Variants in MRS2 observed in about 807,000 individuals in gnomAD.
MRS2 encodes the protein magnesium transporter MRS2, also known as magnesium transporter MRS2 homolog, mitochondrial.
Under a neutral mutation model 52.6 loss-of-function variants are expected in MRS2, and 40 were observed. That is an observed-to-expected ratio of 0.76 (90% CI 0.59 to 0.99). The LOEUF is 0.99. MRS2 is among the 50% of genes least tolerant of loss of function. MRS2 has a pLI of 0.00. For missense variants in MRS2, 472 were observed against 532.7 expected, an observed-to-expected ratio of 0.89 and a Z score of 1.12; for synonymous variants, 193 against 195.9, an observed-to-expected ratio of 0.98 and a Z score of 0.13.
At chr6:24,415,455 A>G (rs771587443) in intron 6 of MRS2, among the ~76,000 whole-genome samples, 1 of 152,234 alleles carries the variant, frequency 6.6e-6, no homozygotes, top group Non-Finnish European at 1.5e-5. Context: ...TTATATGGCT[A>G]GTAAATGGCA....
intron 4 of MRS2, chr6:24,410,742 T>G: frequency 6.5e-7 from 1 of 1,532,452 alleles, no homozygotes; most frequent in South Asian, 1.2e-5. Flanking sequence ...TTCTCTACTC[T>G]TGGAATCAGT....
intron 2 of MRS2, 39 bp downstream of exon 2, chr6:24,405,280 G>A (rs759346782): frequency 1.4e-6 from 2 of 1,456,828 alleles, no homozygotes; most frequent in Admixed American, 1.7e-5. Context: ...TACAGAAAGT[G>A]CTTCCCATAC....
chr6:24,408,263 G>T (rs1461783790), intron 2 of MRS2, 145 bp from the exon 3 acceptor site: 1 of 576,440 alleles, frequency 1.7e-6, no homozygotes, highest in African/African-American at 1.9e-5. Flanking sequence ...TTAATCTAAA[G>T]AAGGTCAGTA....
rs140050426 is a variant in MRS2, at chr6:24,403,083, C to T, written c.37C>T (p.Arg13Cys). The part of the protein sequence containing the change: ...CLRSLPCLLP[R>C]AMRLPRRTLC... The stretch of plus-strand genomic sequence containing the variant: ...GCGCAGTTTACCCTGCCTCCTGCCC[C>T]GCGCGATGAGACTTCCCCGGCGGAC... Residue 13 changes from arginine to cysteine, a missense_variant, in exon 1 of 11, where the codon CGC (arginine) becomes TGC (cysteine). By Grantham distance (180) the Arg-to-Cys change is radical (BLOSUM62 -3). Coordinates refer to ENST00000378386, the MANE Select transcript of MRS2 (RefSeq NM_020662.4). 41 of 1,611,848 alleles carry T rather than the reference C, an allele frequency of 2.5e-5. No homozygotes were observed. The highest frequency in any genetic ancestry group is 3.3e-5 in the Non-Finnish European group (39 of 1,179,550).
chr6:24,416,278 T>C (rs1761845200), intron 6 of MRS2, 119 bp from the exon 7 acceptor site: 3 of 486,558 alleles, frequency 6.2e-6, no homozygotes, highest in Non-Finnish European at 1.1e-5. Context: ...TTTAAATAAG[T>C]CATTGTTTAG....
rs907660734 is a variant in MRS2 at position 24,424,800 on chromosome 6, A to G, written c.*1106A>G. Reference sequence around the variant, plus strand: ...GAATAAATACACTTACCCTGATGATATTGAGGGTACATGATTAGCCTAATG... The same window carrying G: ...GAATAAATACACTTACCCTGATGATGTTGAGGGTACATGATTAGCCTAATG... On this transcript the variant is annotated 3_prime_UTR_variant, in exon 11 of 11. Transcript: ENST00000378386. 2.6e-5 allele frequency: 4 copies of G among 152,222 alleles called. No homozygotes were observed. The highest frequency in any genetic ancestry group is 9.6e-5 in the African/African-American group (4 of 41,454). 9.4% of individuals were successfully genotyped at this position (152,222 alleles called of 1,614,324 possible).
rs1337906531 is a variant in MRS2, at chr6:24,424,286, AG to A, written c.*593del. 1 of 151,418 alleles carries A rather than the reference AG, an allele frequency of 6.6e-6. No individual in the cohort carries two copies. The highest frequency in any genetic ancestry group is 1.5e-5 in the Non-Finnish European group (1 of 68,030). 9.4% of individuals were successfully genotyped at this position (151,418 alleles called of 1,614,324 possible). ...TCACCATTGTATGGATTCCTAATCAAGATTTCACGTTCTCAGCCCCTGAGAC... is the reference window on the plus strand; with the variant it reads ...TCACCATTGTATGGATTCCTAATCAAATTTCACGTTCTCAGCCCCTGAGAC... On this transcript the variant is annotated 3_prime_UTR_variant, in exon 11 of 11. Coordinates refer to ENST00000378386, the MANE Select transcript of MRS2 (RefSeq NM_020662.4).
intron 7 of MRS2, among the ~76,000 whole-genome samples, chr6:24,416,746 C>T (rs1761866355): frequency 6.6e-6 from 1 of 152,100 alleles, no homozygotes; most frequent in Non-Finnish European, 1.5e-5. Flanking sequence ...AATATAAACA[C>T]ACAGTTACCT....
intron 5 of MRS2, among the ~76,000 whole-genome samples, chr6:24,414,411 A>C (rs1245100240): frequency 6.6e-6 from 1 of 151,938 alleles, no homozygotes; most frequent in Non-Finnish European, 1.5e-5. Context: ...CACCGCCCTT[A>C]ATCCATTTAA....
intron 8 of MRS2, 106 bp downstream of exon 8, chr6:24,418,342 ACATT>A: frequency 1.3e-6 from 2 of 1,505,800 alleles, no homozygotes; most frequent in Non-Finnish European, 1.8e-6. Context: ...CATCTATACT[ACATT>A]ATTATTATTT....
chr6:24,418,263 T>G (rs1312060901), intron 8 of MRS2, 27 bp downstream of exon 8: 1 of 1,521,126 alleles, frequency 6.6e-7, no homozygotes, highest in African/African-American at 1.4e-5. Flanking sequence ...TAAAACTAAG[T>G]TTTTTTAATA....
intron 6 of MRS2, among the ~76,000 whole-genome samples, chr6:24,415,417 A>G (rs1441623788): frequency 6.6e-6 from 1 of 152,196 alleles, no homozygotes; most frequent in Non-Finnish European, 1.5e-5. Flanking sequence ...AAGATGAGAA[A>G]ATTGAGGTTT....
chr6:24,418,775 T>G, intron 9 of MRS2, 197 bp downstream of exon 9: 2 of 410,818 alleles, frequency 4.9e-6, no homozygotes, highest in South Asian at 4.6e-5. Context: ...GGCAGGCACC[T>G]GTAATCCCAG....
At chr6:24,423,174 C>A in intron 10 of MRS2, 124 bp downstream of exon 10, 4 of 686,124 alleles carry the variant, frequency 5.8e-6, no homozygotes, top group Non-Finnish European at 1.0e-5. Context: ...TCTCAAACTT[C>A]CTTCAGTTTC....
At chr6:24,415,731 A>G (rs903827839) in intron 6 of MRS2, among the ~76,000 whole-genome samples, 1 of 152,208 alleles carries the variant, frequency 6.6e-6, no homozygotes, top group African/African-American at 2.4e-5. Flanking sequence ...AAAATTCCCA[A>G]ACCAAAAATC....
rs200890999 is a variant in MRS2 at position 24,405,260 on chromosome 6, T to C, written c.264+19T>C. ...TACTGTGGTGAGTATGTACAGTACA[T>C]TGGAAATCGTACAGAAAGTGCTTCC... On this transcript the variant is annotated intron_variant, in intron 2 of 10. Coordinates refer to ENST00000378386, the MANE Select transcript of MRS2 (RefSeq NM_020662.4). The C allele has an allele frequency of 2.0e-5, 32 of 1,582,024 alleles. No homozygotes were observed. In the Admixed American group the frequency reaches 3.5e-4, roughly 18 times the overall value.
Position 24,402,975 on chromosome 6 carries a change from T to C in MRS2, c.-72T>C. On this transcript the variant is annotated 5_prime_UTR_variant, in exon 1 of 11. Transcript: ENST00000378386. Reference sequence around the variant, plus strand: ...TCGGGCGGTAGCGACAGGTCAGAGCTGCGGCCTGAGCAGCCAGCGTCCGGC... The same window carrying C: ...TCGGGCGGTAGCGACAGGTCAGAGCCGCGGCCTGAGCAGCCAGCGTCCGGC... 2.8e-6 allele frequency: 4 copies of C among 1,424,078 alleles called. No homozygotes were observed. Among genetic ancestry groups the C allele is most frequent in the Non-Finnish European group, 3.8e-6 (4 of 1,062,848 alleles). 88.2% of individuals were successfully genotyped at this position (1,424,078 alleles called of 1,614,324 possible).
rs778908348 is a variant in MRS2, at chr6:24,416,528, A to G, written c.836+15A>G. 2.5e-5 allele frequency: 31 copies of G among 1,216,792 alleles called. No homozygotes were observed. Among genetic ancestry groups the G allele is most frequent in the Non-Finnish European group, 3.7e-5 (31 of 833,314 alleles). 75.4% of individuals were successfully genotyped at this position (1,216,792 alleles called of 1,614,324 possible). A position where few individuals can be genotyped will look rare whatever the true frequency, so the allele number is the denominator to read the frequency against. On this transcript the variant is annotated intron_variant, in intron 7 of 10. Coordinates refer to ENST00000378386, the MANE Select transcript of MRS2 (RefSeq NM_020662.4). The stretch of plus-strand genomic sequence containing the variant: ...CCACAAGTCTTGTAAGTATATAATT[A>G]TACTTTGTTATTTATTTCCTTAGAG...
At chr6:24,417,788 A>G (rs540438907) in intron 7 of MRS2, among the ~76,000 whole-genome samples, 69 of 151,708 alleles carry the variant, frequency 4.5e-4, no homozygotes, top group African/African-American at 1.5e-3. Context: ...CTAAAAATAC[A>G]AAAATTAGCT....
Sources: allele counts gnomAD v4.1 joint callset (sites outside exome capture counted in the v4.1 genomes callset), GRCh38; gene constraint gnomAD v4.1.1; transcripts MANE v1.5; gene names NCBI Gene and HGNC (gene_info 2026-07-23, HGNC 2026-07-21).